COG4: variants seen among roughly 807,000 people sequenced by gnomAD.
COG4 encodes the protein conserved oligomeric Golgi complex subunit 4.
A neutral mutation model predicts 95.1 loss-of-function variants in COG4; 65 were observed. The ratio of observed to expected loss-of-function variants is 0.68; its 90% CI spans 0.56 to 0.84. The LOEUF is 0.84. COG4 is among the 40% of genes least tolerant of loss of function. The pLI, the probability that COG4 is intolerant of heterozygous loss-of-function variation, is 0.00. For synonymous variants in COG4, 421 were observed against 374.8 expected (o/e 1.12, Z -1.42); for missense variants, 1,045 against 989.1 (o/e 1.06, Z -0.76).
intron 8 of COG4, among the ~76,000 whole-genome samples, chr16:70,504,873 T>C (rs2049528256): frequency 6.7e-6 from 1 of 148,860 alleles, no homozygotes; most frequent in African/African-American, 2.5e-5. Context: ...ATCATGCCAC[T>C]GTACTCTAGC....
chr16:70,487,288 A>AT (rs1174334112), intron 13 of COG4, among the ~76,000 whole-genome samples: 1 of 150,606 alleles, frequency 6.6e-6, no homozygotes, highest in African/African-American at 2.5e-5. Context: ...AAAATAAAAA[A>AT]ATAAAAATAA....
intron 10 of COG4, among the ~76,000 whole-genome samples, 182 bp downstream of exon 10, chr16:70,497,755 G>A (rs2049370242): frequency 6.6e-6 from 1 of 150,538 alleles, no homozygotes; most frequent in African/African-American, 2.4e-5. Flanking sequence ...TCCTAGCTGG[G>A]TATACAAAGA....
intron 12 of COG4, among the ~76,000 whole-genome samples, chr16:70,495,140 C>T (rs1248281759): frequency 6.6e-6 from 1 of 151,448 alleles, no homozygotes; most frequent in African/African-American, 2.4e-5. Flanking sequence ...CCTGTAATCC[C>T]AACACTTTGG....
intron 2 of COG4, among the ~76,000 whole-genome samples, chr16:70,518,482 C>T (rs963041204): frequency 6.6e-6 from 1 of 152,096 alleles, no homozygotes; most frequent in East Asian, 1.9e-4. Context: ...TCTTAGCCTC[C>T]TGAGTAGCTG....
rs755141764 is a variant in COG4 at position 70,514,473 on chromosome 16, T to A, written c.406A>T (p.Ile136Phe). 6 of 1,614,140 alleles carry A rather than the reference T, an allele frequency of 3.7e-6. No individual in the cohort carries two copies. In the East Asian group the frequency reaches 1.3e-4, roughly 36 times the overall value. ...TCCATGCAGAACTTCAGGTCCAAGA[T>A]GTCATCAGCTCTCTGAATGGCCTGA... ...LYQAIQRADD[I>F]LDLKFCMDGV... Residue 136 changes from isoleucine (I) to phenylalanine (F), a missense_variant, in exon 4 of 19, where the codon ATC becomes TTC. Physicochemically the swap from Ile to Phe is conservative, Grantham distance 21. Transcript: ENST00000323786.
intron 1 of COG4, among the ~76,000 whole-genome samples, chr16:70,521,516 C>A: frequency 6.6e-6 from 1 of 152,002 alleles, no homozygotes; most frequent in East Asian, 1.9e-4. Flanking sequence ...GACACCAAGC[C>A]CGGCCATATA....
intron 4 of COG4, among the ~76,000 whole-genome samples, chr16:70,513,089 C>T (rs1567393561): frequency 6.6e-6 from 1 of 152,160 alleles, no homozygotes. Context: ...GATACCTGCA[C>T]AGGAGAACAA....
intron 15 of COG4, 68 bp from the exon 16 acceptor site, chr16:70,482,243 C>G (rs2049014479): frequency 2.1e-6 from 2 of 943,438 alleles, no homozygotes; most frequent in African/African-American, 1.6e-5. Context: ...CCACCCACCT[C>G]TATCCCTCTA....
Position 70,482,482 on chromosome 16 carries a change from T to C in COG4, c.1920+247A>G, listed in dbSNP as rs533322593. ...GAAAAAAACGCTTCTAAGTCTATCA[T>C]AGGCGGGGCAAAAAGAGCTCCAATA... On this transcript the variant is annotated intron_variant, in intron 15 of 18. Coordinates refer to ENST00000323786, the MANE Select transcript of COG4 (RefSeq NM_015386.3). The C allele has an allele frequency of 4.3e-4, 263 of 610,610 alleles. No homozygotes were observed. In the African/African-American group the frequency reaches 4.3e-3, roughly 10 times the overall value. The allele number at this position is 610,610 out of a possible 1,614,324, so 37.8% of individuals were successfully genotyped here. A position where few individuals can be genotyped will look rare whatever the true frequency, so the allele number is the denominator to read the frequency against.
chr16:70,481,694 G>T (rs189518292), intron 17 of COG4, 70 bp downstream of exon 17: 22 of 1,426,320 alleles, frequency 1.5e-5, no homozygotes, highest in South Asian at 2.3e-5. Flanking sequence ...CAAGTCCTGG[G>T]GGTGGTGGCA....
chr16:70,498,048 C>G lies in COG4; in HGVS notation c.1203G>C (p.Gln401His). The G allele has an allele frequency of 6.2e-7, 1 of 1,607,598 alleles. No homozygotes were observed. Among genetic ancestry groups the G allele is most frequent in the Non-Finnish European group, 8.5e-7 (1 of 1,174,036 alleles). The change falls in exon 10 of 19, where the codon CAG (glutamine) becomes CAC (histidine). Residue 401 changes from glutamine to histidine, a missense_variant. Gln to His is a conservative substitution (Grantham distance 24). Coordinates refer to ENST00000323786, the MANE Select transcript of COG4 (RefSeq NM_015386.3). ...MASEEVKQEH[Q>H]KCLDKLLNNC... Reference sequence around the variant, plus strand: ...TATTGAGGAGTTTGTCCAGACACTTCTGGTGCTCTAGGGGACAGCCAAGAA... The same window carrying G: ...TATTGAGGAGTTTGTCCAGACACTTGTGGTGCTCTAGGGGACAGCCAAGAA...
Position 70,496,435 on chromosome 16 carries a change from G to C in COG4, c.1482-4C>G. 3 of 1,614,070 alleles carry C rather than the reference G, an allele frequency of 1.9e-6. No individual in the cohort carries two copies. The highest frequency in any genetic ancestry group is 2.5e-6 in the Non-Finnish European group (3 of 1,180,006). On this transcript the variant is annotated splice_polypyrimidine_tract_variant and splice_region_variant and intron_variant, in intron 11 of 18. Transcript: ENST00000323786. ...CAGCTTATTACACAGAACATCCCTGGGGGGCAGGATTGCATAGAGGAATTG... is the reference window on the plus strand; with the variant it reads ...CAGCTTATTACACAGAACATCCCTGCGGGGCAGGATTGCATAGAGGAATTG...
At chr16:70,498,107 G>A (rs759551627) in intron 9 of COG4, 52 bp from the exon 10 acceptor site, 5 of 1,159,810 alleles carry the variant, frequency 4.3e-6, no homozygotes, top group Non-Finnish European at 6.5e-6. Context: ...AAGGGAAACA[G>A]AGCAACTTTT....
intron 11 of COG4, 41 bp downstream of exon 11, chr16:70,497,180 G>A (rs1369287267): frequency 2.5e-6 from 4 of 1,590,792 alleles, no homozygotes; most frequent in East Asian, 2.2e-5. Flanking sequence ...TCAACAGGAA[G>A]GGCCTTTCTG....
At chr16:70,501,219 CCTCCTAG>C (rs912963889) in intron 8 of COG4, 128 bp from the exon 9 acceptor site, 11 of 969,014 alleles carry the variant, frequency 1.1e-5, no homozygotes, top group Non-Finnish European at 1.8e-5. Context: ...GCCAGATGGC[CCTCCTAG>C]CTCTGCTGGC....
At chr16:70,504,204 C>G (rs1359752613) in intron 8 of COG4, among the ~76,000 whole-genome samples, 5 of 152,190 alleles carry the variant, frequency 3.3e-5, no homozygotes, top group African/African-American at 1.2e-4. Context: ...CCAGCTCCCC[C>G]ATTCCCCTAC....
At position 70,482,762 on chromosome 16, in the gene COG4, G is replaced by A. The variant is rs199686826; in HGVS notation, c.1887C>T (p.Asn629=). Residue 629 remains asparagine (N), a synonymous_variant, in exon 15 of 19, where the codon AAC becomes AAT. Transcript: ENST00000323786. ...AIKPQVQPWI[N]SFFSVSHNIE... is the part of the protein sequence containing the mutation. ...TGTTGTGGGAGACGGAGAAAAAGCT[G>A]TTGATCCAAGGCTGCACCTGTGGCT... 5 of 1,613,900 alleles carry A rather than the reference G, an allele frequency of 3.1e-6. No homozygotes were observed. Among genetic ancestry groups the A allele is most frequent in the African/African-American group, 2.7e-5 (2 of 74,990 alleles).
At chr16:70,495,627 CAG>C (rs1287294796) in intron 12 of COG4, among the ~76,000 whole-genome samples, 4 of 152,128 alleles carry the variant, frequency 2.6e-5, no homozygotes, top group Non-Finnish European at 5.9e-5. Context: ...CAGCGTGTGC[CAG>C]AGAGGCCTGA....
At chr16:70,499,421 C>T (rs566284346) in intron 9 of COG4, among the ~76,000 whole-genome samples, 1 of 152,334 alleles carries the variant, frequency 6.6e-6, no homozygotes, top group South Asian at 2.1e-4. Context: ...CCTTTATACA[C>T]TGATTCTGTA....
Sources: allele counts gnomAD v4.1 joint callset (sites outside exome capture counted in the v4.1 genomes callset), GRCh38; gene constraint gnomAD v4.1.1; transcripts MANE v1.5; gene names NCBI Gene and HGNC (gene_info 2026-07-23, HGNC 2026-07-21).